Variants in TMEM132B observed in about 807,000 individuals in gnomAD.
TMEM132B encodes the protein transmembrane protein 132B.
Under a neutral mutation model 90.8 loss-of-function variants are expected in TMEM132B, and 18 were observed. That is an observed-to-expected ratio of 0.20 (90% CI 0.14 to 0.29). TMEM132B has a LOEUF of 0.29. Ranked by LOEUF, TMEM132B falls within the 10% of genes least tolerant of loss-of-function variation. TMEM132B has a pLI of 1.00. For missense variants in TMEM132B, 1,096 were observed against 1,326.8 expected (o/e 0.83, Z 2.70); for synonymous variants, 504 against 523.3 (o/e 0.96, Z 0.50).
At chr12:125,484,745 C>T (rs143294472) in intron 3 of TMEM132B, among the ~76,000 whole-genome samples, 1 of 152,090 alleles carries the variant, frequency 6.6e-6, no homozygotes, top group Non-Finnish European at 1.5e-5. Flanking sequence ...ATCTTCCCCC[C>T]TCAGCCTCCA....
intron 1 of TMEM132B, among the ~76,000 whole-genome samples, chr12:125,284,096 A>G (rs1174587678): frequency 6.6e-6 from 1 of 152,230 alleles, no homozygotes; most frequent in Non-Finnish European, 1.5e-5. Context: ...GTCACTGTCT[A>G]GGTAGAGGTA....
At chr12:125,279,281 G>A (rs1241460350) in intron 1 of TMEM132B, among the ~76,000 whole-genome samples, 1 of 152,172 alleles carries the variant, frequency 6.6e-6, no homozygotes, top group East Asian at 1.9e-4. Context: ...AATGCAGCAG[G>A]CCTGAGACTG....
intron 3 of TMEM132B, among the ~76,000 whole-genome samples, chr12:125,444,463 C>T (rs1880951715): frequency 6.6e-6 from 1 of 152,132 alleles, no homozygotes; most frequent in Non-Finnish European, 1.5e-5. Flanking sequence ...ATAAATGTTA[C>T]ATAATTTAAT....
intron 5 of TMEM132B, among the ~76,000 whole-genome samples, chr12:125,603,207 T>C (rs1162592456): frequency 6.6e-6 from 1 of 152,172 alleles, no homozygotes; most frequent in African/African-American, 2.4e-5. Flanking sequence ...CTTCAAATTA[T>C]ACTACAAGGC....
At chr12:125,612,356 AG>A (rs1203002862) in intron 5 of TMEM132B, among the ~76,000 whole-genome samples, 4 of 151,586 alleles carry the variant, frequency 2.6e-5, no homozygotes, top group Non-Finnish European at 5.9e-5. Flanking sequence ...CTAGCTACTC[AG>A]GAGGCTGAGG....
rs142218793 is a variant in TMEM132B at position 125,424,458 on chromosome 12, G to T, written c.1106+8781G>T. Reference sequence around the variant, plus strand: ...ATAATTTGCATCGACGTAATTTCTGGTTACATTTAATAACTTTTCCTGTGT... The same window carrying T: ...ATAATTTGCATCGACGTAATTTCTGTTTACATTTAATAACTTTTCCTGTGT... On this transcript the variant is annotated intron_variant, in intron 3 of 8. Coordinates refer to ENST00000682704, the MANE Select transcript of TMEM132B (RefSeq NM_001366854.1). Among the ~76,000 whole-genome samples the T allele has an allele frequency of 4.5e-4, 68 of 152,266 alleles. 1 individual carries two copies. The East Asian group carries it at 0.01, about 23-fold the overall frequency.
At chr12:125,340,862 T>A (rs1362274325) in intron 1 of TMEM132B, among the ~76,000 whole-genome samples, 1 of 152,248 alleles carries the variant, frequency 6.6e-6, no homozygotes, top group Non-Finnish European at 1.5e-5. Flanking sequence ...AGGCCCATCT[T>A]ACATGGAGCC....
chr12:125,227,924 A>C (rs1330292567), intron 1 of TMEM132B, among the ~76,000 whole-genome samples: 1 of 151,998 alleles, frequency 6.6e-6, no homozygotes, highest in East Asian at 1.9e-4. Flanking sequence ...AGGACTGGGC[A>C]CTAGTTGCCT....
chr12:125,427,340 A>G (rs1170507902), intron 3 of TMEM132B, among the ~76,000 whole-genome samples: 1 of 152,156 alleles, frequency 6.6e-6, no homozygotes, highest in Non-Finnish European at 1.5e-5. Context: ...GCCAGTGAAG[A>G]AGATACCACT....
rs370958521 is a variant in TMEM132B at position 125,335,973 on chromosome 12, C to G, written c.68-13479C>G. ...CTGCACTCCAGCCTGGGCGACAGAG[C>G]AAGACTCCCCCTCAAAGGAAAAAAA... On this transcript the variant is annotated intron_variant, in intron 1 of 8. Coordinates refer to ENST00000682704, the MANE Select transcript of TMEM132B (RefSeq NM_001366854.1). Among the ~76,000 whole-genome samples the G allele has an allele frequency of 2.0e-5, 3 of 152,250 alleles. No homozygotes were observed. The South Asian group carries it at 6.2e-4, about 32-fold the overall frequency.
At chr12:125,584,031 C>T (rs1321331529) in intron 5 of TMEM132B, 37 bp downstream of exon 5, 4 of 1,613,280 alleles carry the variant, frequency 2.5e-6, no homozygotes, top group Non-Finnish European at 3.4e-6. Context: ...CCTAAGTGCT[C>T]AGAGCTTTTT....
rs956988577 is a variant in TMEM132B, at chr12:125,306,678, G to A, written c.68-42774G>A. Among the ~76,000 whole-genome samples the A allele has an allele frequency of 9.2e-5, 14 of 152,272 alleles. No homozygotes were observed. In the East Asian group the frequency reaches 2.5e-3, roughly 27 times the overall value. On this transcript the variant is annotated intron_variant, in intron 1 of 8. Transcript: ENST00000682704. ...TTCACTGCTCCCAGCCATTATTGTT[G>A]CTTGCCTGGACCATTGCAGTGGCCT...
chr12:125,226,141 C>T (rs748786777), intron 1 of TMEM132B, among the ~76,000 whole-genome samples: 1 of 152,198 alleles, frequency 6.6e-6, no homozygotes, highest in Non-Finnish European at 1.5e-5. Context: ...TTAAATGCAG[C>T]AGCAGCATCA....
intron 3 of TMEM132B, among the ~76,000 whole-genome samples, chr12:125,450,835 T>C (rs1382995886): frequency 6.6e-6 from 1 of 152,188 alleles, no homozygotes; most frequent in East Asian, 1.9e-4. Context: ...TGGACACCCA[T>C]TGCCCCCAGG....
At chr12:125,471,233 CT>C (rs1881710128) in intron 3 of TMEM132B, among the ~76,000 whole-genome samples, 1 of 152,212 alleles carries the variant, frequency 6.6e-6, no homozygotes, top group African/African-American at 2.4e-5. Flanking sequence ...GGACAGAGTC[CT>C]TTCTGGTGTG....
Position 125,209,463 on chromosome 12 carries a change from T to C in TMEM132B, c.67+22597T>C, listed in dbSNP as rs1294472203. Among the ~76,000 whole-genome samples the C allele has an allele frequency of 6.6e-6, 1 of 152,218 alleles. No homozygotes were observed. Among genetic ancestry groups the C allele is most frequent in the Non-Finnish European group, 1.5e-5 (1 of 68,024 alleles). On this transcript the variant is annotated intron_variant, in intron 1 of 8. Coordinates refer to ENST00000682704, the MANE Select transcript of TMEM132B (RefSeq NM_001366854.1). The surrounding 1 kb of genome is among the most constrained non-coding windows in gnomAD (Gnocchi z 4.4). ...GGGTTTGGCCCCCTTTCTGTCCTGG[T>C]CACCTCAGGGGAGAAGGGTGTTGGC...
chr12:125,357,796 C>T (rs1877828468), intron 2 of TMEM132B, among the ~76,000 whole-genome samples: 1 of 152,200 alleles, frequency 6.6e-6, no homozygotes, highest in Admixed American at 6.5e-5. Context: ...AAGGCCACAC[C>T]TGTGCATCAG....
intron 5 of TMEM132B, among the ~76,000 whole-genome samples, chr12:125,626,955 C>G (rs1046502130): frequency 1.3e-5 from 2 of 152,112 alleles, no homozygotes; most frequent in African/African-American, 4.8e-5. Flanking sequence ...GACCCTCTCA[C>G]AGCTCTTGGA....
intron 1 of TMEM132B, among the ~76,000 whole-genome samples, chr12:125,216,019 C>T (rs556774787): frequency 6.6e-6 from 1 of 152,356 alleles, no homozygotes; most frequent in South Asian, 2.1e-4. Flanking sequence ...TTTATCTGCC[C>T]CTTCTTAAGA....
Sources: allele counts gnomAD v4.1 joint callset (sites outside exome capture counted in the v4.1 genomes callset), GRCh38; gene constraint gnomAD v4.1.1; non-coding constraint Gnocchi (gnomAD v3.1); transcripts MANE v1.5; gene names NCBI Gene and HGNC (gene_info 2026-07-23, HGNC 2026-07-21).